Variants in ZNF385B observed in about 807,000 individuals in gnomAD.
The protein encoded by ZNF385B is zinc finger protein 533.
Under a neutral mutation model 39.2 loss-of-function variants are expected in ZNF385B, and 23 were observed. The observed-to-expected ratio is 0.59, with a 90% CI of 0.42 to 0.83. ZNF385B has a LOEUF of 0.83. Ranked by LOEUF, ZNF385B falls within the 40% of genes least tolerant of loss-of-function variation. The pLI is 0.00. For synonymous variants in ZNF385B, 205 were observed against 222.6 expected (o/e 0.92, Z 0.70); for missense variants, 552 against 598.9 (o/e 0.92, Z 0.82).
intron 3 of ZNF385B, among the ~76,000 whole-genome samples, chr2:179,576,566 C>A: frequency 6.6e-6 from 1 of 152,136 alleles, no homozygotes. Context: ...CACTTTGTTC[C>A]TGTAATACCT....
intron 3 of ZNF385B, among the ~76,000 whole-genome samples, chr2:179,609,538 G>A (rs945234664): frequency 1.3e-5 from 2 of 152,160 alleles, no homozygotes; most frequent in Non-Finnish European, 2.9e-5. Context: ...CAATAAACAT[G>A]GGAGCACAGG....
At chr2:179,576,302 C>G (rs1352292948) in intron 3 of ZNF385B, 2 of 418,570 alleles carry the variant, frequency 4.8e-6, no homozygotes, top group African/African-American at 2.2e-5. Flanking sequence ...TACTCCTCTA[C>G]TTAGAATCCT....
Position 179,466,915 on chromosome 2 carries a change from C to CAAAAAAAAA in ZNF385B, c.715+16348_715+16356dup, listed in dbSNP as rs777679885. On this transcript the variant is annotated intron_variant, in intron 6 of 9. Coordinates refer to ENST00000410066, the MANE Select transcript of ZNF385B (RefSeq NM_152520.6). Reference sequence around the variant, plus strand: ...CAGCCTGGCAACAGAGCAAGACTGTCAAAAAAAAAAAAAAAAAAAAAAAAA... The same window carrying CAAAAAAAAA: ...CAGCCTGGCAACAGAGCAAGACTGTCAAAAAAAAAAAAAAAAAAAAAAAAAAAAAAAAAA... 2.8e-3 allele frequency among the ~76,000 whole-genome samples: 75 copies of CAAAAAAAAA among 26,942 alleles called. 8 individuals are homozygous for CAAAAAAAAA. The highest frequency in any genetic ancestry group is 8.5e-3 in the African/African-American group (56 of 6,562). 17.7% of individuals were successfully genotyped at this position (26,942 alleles called of 152,430 possible).
At chr2:179,757,273 C>T (rs1296273771) in intron 3 of ZNF385B, among the ~76,000 whole-genome samples, 1 of 152,220 alleles carries the variant, frequency 6.6e-6, no homozygotes, top group South Asian at 2.1e-4. Flanking sequence ...GGCTGCAGAA[C>T]AGTGAATACT....
chr2:179,814,935 A>T (rs1049503462), intron 1 of ZNF385B, among the ~76,000 whole-genome samples: 4 of 152,244 alleles, frequency 2.6e-5, no homozygotes, highest in South Asian at 2.1e-4. Context: ...ATATAAAAAA[A>T]TTTAAGTAAA....
At chr2:179,511,559 C>T (rs1054525439) in intron 5 of ZNF385B, among the ~76,000 whole-genome samples, 2 of 152,138 alleles carry the variant, frequency 1.3e-5, no homozygotes, top group Non-Finnish European at 2.9e-5. Flanking sequence ...CAATTACACA[C>T]TAACTGTAGC....
intron 3 of ZNF385B, among the ~76,000 whole-genome samples, chr2:179,580,395 A>G (rs1686353745): frequency 6.6e-6 from 1 of 152,250 alleles, no homozygotes; most frequent in South Asian, 2.1e-4. Context: ...TACTAGAAAA[A>G]ACACTCACTC....
intron 5 of ZNF385B, among the ~76,000 whole-genome samples, chr2:179,505,694 T>G (rs375899370): frequency 7.7e-4 from 118 of 152,276 alleles, no homozygotes; most frequent in African/African-American, 2.6e-3. Context: ...CTGTGCTAAA[T>G]GTAACACGTA....
chr2:179,600,300 G>T (rs146223173), intron 3 of ZNF385B, among the ~76,000 whole-genome samples: 6 of 152,262 alleles, frequency 3.9e-5, no homozygotes, highest in Non-Finnish European at 7.4e-5. Flanking sequence ...GAGAACTAAA[G>T]ACATCACTTA....
intron 1 of ZNF385B, among the ~76,000 whole-genome samples, chr2:179,793,085 AT>A (rs1705444385): frequency 6.6e-6 from 1 of 152,164 alleles, no homozygotes; most frequent in Admixed American, 6.5e-5. Context: ...TTTTGTCATA[AT>A]CCCCCTTCAT....
chr2:179,777,769 G>GTTTTTTTT (rs71029831), intron 1 of ZNF385B, among the ~76,000 whole-genome samples: 2 of 143,712 alleles, frequency 1.4e-5, no homozygotes, highest in Non-Finnish European at 3.0e-5. Flanking sequence ...ATATCAAGAG[G>GTTTTTTTT]TTTTTTTTTT....
At chr2:179,725,487 T>A (rs1301934932) in intron 3 of ZNF385B, among the ~76,000 whole-genome samples, 1 of 151,844 alleles carries the variant, frequency 6.6e-6, no homozygotes, top group Non-Finnish European at 1.5e-5. Flanking sequence ...GATATATAAA[T>A]GTCATATATA....
At chr2:179,492,789 A>T (rs1278694337) in intron 5 of ZNF385B, among the ~76,000 whole-genome samples, 1 of 152,182 alleles carries the variant, frequency 6.6e-6, no homozygotes, top group Non-Finnish European at 1.5e-5. Flanking sequence ...TGGAATATGT[A>T]AATGTGAAGA....
intron 3 of ZNF385B, among the ~76,000 whole-genome samples, chr2:179,666,613 G>C (rs956222295): frequency 2.0e-5 from 3 of 151,652 alleles, no homozygotes; most frequent in Non-Finnish European, 2.9e-5. Context: ...TTTTATTAAT[G>C]AAGAAACTGA....
chr2:179,749,824 T>C (rs1702571926), intron 3 of ZNF385B, among the ~76,000 whole-genome samples: 1 of 152,150 alleles, frequency 6.6e-6, no homozygotes, highest in Non-Finnish European at 1.5e-5. Flanking sequence ...GAAAGGTGTA[T>C]TTGGTTTTCA....
intron 4 of ZNF385B, among the ~76,000 whole-genome samples, chr2:179,522,718 CTTA>C (rs529006773): frequency 1.3e-4 from 20 of 152,020 alleles, no homozygotes; most frequent in Non-Finnish European, 1.8e-4. Flanking sequence ...TAACAAATGT[CTTA>C]TTAAGTAGTC....
In ZNF385B at chr2:179,483,231, G is replaced by A. The variant is rs772258975; in HGVS notation, c.715+41C>T. 24 of 1,609,088 alleles carry A rather than the reference G, an allele frequency of 1.5e-5. No homozygotes were observed. The South Asian group carries it at 2.4e-4, about 16-fold the overall frequency. ...AAACGGGGTCAGGGCAGGGGAACAG[G>A]AGAAACACAAAGAATGTAAAGAACA... On this transcript the variant is annotated intron_variant, in intron 6 of 9. Transcript: ENST00000410066.
intron 3 of ZNF385B, among the ~76,000 whole-genome samples, chr2:179,594,466 C>G (rs1687827905): frequency 6.6e-6 from 1 of 152,188 alleles, no homozygotes; most frequent in African/African-American, 2.4e-5. Flanking sequence ...CTGTTCACCA[C>G]TACTGATTTC....
intron 3 of ZNF385B, among the ~76,000 whole-genome samples, chr2:179,558,003 T>C (rs1440763295): frequency 1.3e-5 from 2 of 152,146 alleles, no homozygotes; most frequent in Non-Finnish European, 2.9e-5. Context: ...TTGATCAATA[T>C]AACTAATTTA....
Sources: allele counts gnomAD v4.1 joint callset (sites outside exome capture counted in the v4.1 genomes callset), GRCh38; gene constraint gnomAD v4.1.1; transcripts MANE v1.5; gene names NCBI Gene and HGNC (gene_info 2026-07-23, HGNC 2026-07-21).